Variants in SNHG17 observed in about 807,000 individuals in gnomAD.
SNHG17 encodes the protein small nucleolar RNA host gene 17.
At chr20:38,423,126 G>A (rs1232674963) in intron 5 of SNHG17, among the ~76,000 whole-genome samples, 1 of 151,690 alleles carries the variant, frequency 6.6e-6, no homozygotes, top group Non-Finnish European at 1.5e-5. Context: ...GCTAGGCATG[G>A]CAGTCCATGC....
chr20:38,432,030 G>C, intron 2 of SNHG17: 1 of 985,398 alleles, frequency 1.0e-6, no homozygotes, highest in Non-Finnish European at 1.2e-6. Flanking sequence ...TTCCTGGCAG[G>C]GTGGAGATAC....
At chr20:38,430,551 G>A (rs1460753812) in intron 3 of SNHG17, among the ~76,000 whole-genome samples, 1 of 151,716 alleles carries the variant, frequency 6.6e-6, no homozygotes, top group African/African-American at 2.4e-5. Flanking sequence ...GAACCCGGGA[G>A]GCAGAGGTTG....
At chr20:38,431,938 A>C in intron 2 of SNHG17, 1 of 899,260 alleles carries the variant, frequency 1.1e-6, no homozygotes, top group Non-Finnish European at 1.3e-6. Context: ...CGCCCAGGGA[A>C]CCTGCATGCA....
chr20:38,424,228 G>A (rs1471410477), intron 5 of SNHG17, among the ~76,000 whole-genome samples: 2 of 151,878 alleles, frequency 1.3e-5, no homozygotes, highest in Non-Finnish European at 2.9e-5. Context: ...AAGGCTTTTG[G>A]AGCAGGCCAT....
exon 1 of SNHG17, chr20:38,435,324 G>C (rs6128073): frequency 6.5e-6 from 8 of 1,231,152 alleles, no homozygotes; most frequent in East Asian, 3.2e-5. Flanking sequence ...GGACGGCGAA[G>C]GACTGAGGCC....
At chr20:38,428,045 GC>G (rs2084279360) in intron 3 of SNHG17, 3 of 152,256 alleles carry the variant, frequency 2.0e-5, no homozygotes, top group African/African-American at 4.8e-5. Context: ...GAGGAAGCTG[GC>G]ACAGGGATTC....
intron 2 of SNHG17, chr20:38,432,201 G>A (rs771676206): frequency 1.0e-5 from 10 of 982,278 alleles, no homozygotes; most frequent in Non-Finnish European, 1.2e-5. Flanking sequence ...AAGTTGGCTA[G>A]TGTTAACAGT....
chr20:38,431,942 G>C, intron 2 of SNHG17: 2 of 947,940 alleles, frequency 2.1e-6, no homozygotes, highest in Non-Finnish European at 2.5e-6. Flanking sequence ...CAGGGAACCT[G>C]CATGCACCCA....
At chr20:38,435,081 G>A in intron 1 of SNHG17, 2 of 1,232,146 alleles carry the variant, frequency 1.6e-6, no homozygotes, top group Non-Finnish European at 1.0e-6. Context: ...CTCCGGCAAA[G>A]AGGACGAGAC....
chr20:38,433,505 G>T (rs67267211), intron 2 of SNHG17, among the ~76,000 whole-genome samples: 2,260 of 152,242 alleles, frequency 0.015, 37 homozygotes, highest in Non-Finnish European at 0.022. Flanking sequence ...GCTGAGGTGC[G>T]AGGATCACTT....
intron 5 of SNHG17, among the ~76,000 whole-genome samples, chr20:38,423,002 G>GA (rs1469708520): frequency 1.3e-5 from 2 of 151,798 alleles, no homozygotes; most frequent in Non-Finnish European, 1.5e-5. Context: ...TGAGGCAGGA[G>GA]AATCACTTGA....
chr20:38,434,950 G>A (rs971763267), intron 1 of SNHG17: 1 of 1,227,874 alleles, frequency 8.1e-7, no homozygotes, highest in Non-Finnish European at 1.0e-6. Flanking sequence ...CCTCCCCGCA[G>A]AGTAGCTGCG....
At chr20:38,434,093 C>G (rs2084388086) in intron 2 of SNHG17, 1 of 462,420 alleles carries the variant, frequency 2.2e-6, no homozygotes, top group African/African-American at 2.0e-5. Context: ...ACCCAGGACC[C>G]TGAGAGCCAT....
intron 5 of SNHG17, chr20:38,425,453 G>T: frequency 4.9e-6 from 2 of 411,722 alleles, no homozygotes; most frequent in Non-Finnish European, 9.7e-6. Flanking sequence ...TGCAGCAGCT[G>T]CTTCTGATTC....
intron 5 of SNHG17, chr20:38,425,338 T>C (rs925776455): frequency 1.9e-6 from 1 of 518,700 alleles, no homozygotes; most frequent in Non-Finnish European, 3.8e-6. Flanking sequence ...AGGGACAAAA[T>C]AGGGCAGTGA....
chr20:38,432,663 A>C (rs980892659), intron 2 of SNHG17, among the ~76,000 whole-genome samples: 1 of 152,188 alleles, frequency 6.6e-6, no homozygotes, highest in African/African-American at 2.4e-5. Context: ...CCTGACATGC[A>C]TCAATGTGCT....
At chr20:38,431,423 T>C (rs958597126) in intron 2 of SNHG17, among the ~76,000 whole-genome samples, 22 of 152,316 alleles carry the variant, frequency 1.4e-4, no homozygotes, top group African/African-American at 2.9e-4. Flanking sequence ...CCAGGGCTTG[T>C]TGAAATTGGA....
chr20:38,425,104 C>T (rs1194938227), intron 5 of SNHG17: 9 of 431,560 alleles, frequency 2.1e-5, no homozygotes, highest in Non-Finnish European at 3.8e-5. Context: ...CTTCTCCGGC[C>T]TGTTGAACCT....
exon 6 of SNHG17, chr20:38,422,106 G>A (rs3752277): frequency 0.22 from 33,333 of 152,190 alleles, 4,378 homozygotes; most frequent in African/African-American, 0.37. Context: ...GCAGATTTCC[G>A]GAGGCTCTTC....
Sources: allele counts gnomAD v4.1 joint callset (sites outside exome capture counted in the v4.1 genomes callset), GRCh38; gene constraint gnomAD v4.1.1; transcripts MANE v1.5; gene names NCBI Gene and HGNC (gene_info 2026-07-23, HGNC 2026-07-21).